Variants in ALDH1A2 observed in about 807,000 individuals in gnomAD.
The protein encoded by ALDH1A2 is retinal dehydrogenase 2.
A neutral mutation model predicts 60.3 loss-of-function variants in ALDH1A2; 27 were observed. The observed-to-expected ratio is 0.45, with a 90% CI of 0.33 to 0.62. The LOEUF (loss-of-function observed/expected upper bound fraction) is 0.62. Ranked by LOEUF, ALDH1A2 falls within the 20% of genes least tolerant of loss-of-function variation. The probability of loss-of-function intolerance (pLI) is 0.02; values close to 1 mark genes in which losing one functional copy is unlikely to be tolerated. For synonymous variants in ALDH1A2, 289 were observed against 232.4 expected (o/e 1.24, Z -2.21); for missense variants, 581 against 643.8 (o/e 0.90, Z 1.06).
intron 1 of ALDH1A2, among the ~76,000 whole-genome samples, chr15:58,050,483 C>T (rs963144304): frequency 6.6e-6 from 1 of 152,130 alleles, no homozygotes; most frequent in Non-Finnish European, 1.5e-5. Flanking sequence ...TCATTATTTA[C>T]TTAATCTTCA....
chr15:58,011,028 C>T (rs1291940387), intron 3 of ALDH1A2, among the ~76,000 whole-genome samples: 2 of 152,096 alleles, frequency 1.3e-5, no homozygotes, highest in African/African-American at 2.4e-5. Flanking sequence ...AATACGTTAA[C>T]ACAATATTTC....
chr15:57,961,905 A>G (rs887922572), intron 10 of ALDH1A2, 107 bp downstream of exon 10: 12 of 1,440,326 alleles, frequency 8.3e-6, no homozygotes, highest in Non-Finnish European at 1.2e-5. Context: ...TGCAAAATGA[A>G]TATATGTAAA....
intron 7 of ALDH1A2, among the ~76,000 whole-genome samples, chr15:57,969,040 C>T (rs924077859): frequency 6.6e-6 from 1 of 152,232 alleles, no homozygotes; most frequent in Non-Finnish European, 1.5e-5. Context: ...TACCTTTCCC[C>T]TTCATCTTTG....
chr15:57,966,570 T>C (rs548211759), intron 7 of ALDH1A2, among the ~76,000 whole-genome samples: 1 of 152,348 alleles, frequency 6.6e-6, no homozygotes, highest in South Asian at 2.1e-4. Context: ...AGCCTGCAGC[T>C]GTCACCTCCT....
At position 58,022,018 on chromosome 15, in the gene ALDH1A2, C is replaced by T. The variant is rs192452636; in HGVS notation, c.118-7737G>A. ...ACAATTCCCCACCTGCCGGTCCAGG[C>T]TGTGGCCACTGATGATGGCCAAATC... On this transcript the variant is annotated intron_variant, in intron 1 of 12. Coordinates refer to ENST00000249750, the MANE Select transcript of ALDH1A2 (RefSeq NM_003888.4). Among the ~76,000 whole-genome samples, 11 of 152,314 alleles carry T rather than the reference C, an allele frequency of 7.2e-5. No individual in the cohort carries two copies. In the East Asian group the frequency reaches 2.1e-3, roughly 29 times the overall value.
At chr15:57,973,206 A>G (rs1894129410) in intron 7 of ALDH1A2, among the ~76,000 whole-genome samples, 1 of 152,198 alleles carries the variant, frequency 6.6e-6, no homozygotes, top group Non-Finnish European at 1.5e-5. Context: ...CCTGTACTTT[A>G]TTGAAGTTGT....
intron 1 of ALDH1A2, among the ~76,000 whole-genome samples, chr15:58,050,202 A>AAAAAGTCTT (rs1896739700): frequency 6.6e-6 from 1 of 152,074 alleles, no homozygotes; most frequent in Non-Finnish European, 1.5e-5. Flanking sequence ...GGGTTAAAAA[A>AAAAAGTCTT]AAAAAGTCTT....
chr15:58,027,292 C>A (rs1186107179), intron 1 of ALDH1A2, among the ~76,000 whole-genome samples: 1 of 152,164 alleles, frequency 6.6e-6, no homozygotes, highest in Non-Finnish European at 1.5e-5. Context: ...AGACCTGCAG[C>A]TGAGGGGCCT....
At chr15:57,957,629 C>T (rs530756730) in intron 12 of ALDH1A2, among the ~76,000 whole-genome samples, 22 of 152,178 alleles carry the variant, frequency 1.4e-4, no homozygotes, top group Admixed American at 6.5e-4. Context: ...CACATCAGGA[C>T]GAAACAGCAA....
At chr15:57,971,655 C>T (rs1298675420) in intron 7 of ALDH1A2, among the ~76,000 whole-genome samples, 1 of 152,152 alleles carries the variant, frequency 6.6e-6, no homozygotes, top group East Asian at 1.9e-4. Flanking sequence ...AACTCTTGGC[C>T]TCAAGGGGTC....
intron 1 of ALDH1A2, among the ~76,000 whole-genome samples, chr15:58,034,652 TGA>T (rs572141759): frequency 4.0e-5 from 6 of 151,710 alleles, no homozygotes; most frequent in South Asian, 2.1e-4. Flanking sequence ...TCATAATTTT[TGA>T]GAGTCTTCCT....
chr15:57,958,185 C>T (rs546471988), intron 12 of ALDH1A2, among the ~76,000 whole-genome samples: 1 of 149,746 alleles, frequency 6.7e-6, no homozygotes, highest in Non-Finnish European at 1.5e-5. Flanking sequence ...CTGGAGGTGA[C>T]TTCTCTGTAT....
At chr15:58,057,167 T>G (rs1345405277) in intron 1 of ALDH1A2, among the ~76,000 whole-genome samples, 1 of 152,074 alleles carries the variant, frequency 6.6e-6, no homozygotes, top group Admixed American at 6.6e-5. Flanking sequence ...GGATGCATCA[T>G]AAATGTCAAG....
chr15:58,052,037 C>T (rs1566961474), intron 1 of ALDH1A2, among the ~76,000 whole-genome samples: 1 of 152,130 alleles, frequency 6.6e-6, no homozygotes, highest in African/African-American at 2.4e-5. Context: ...TTGGGAGTCA[C>T]TGCTCTAATT....
chr15:57,984,752 C>A (rs8026952), intron 7 of ALDH1A2, among the ~76,000 whole-genome samples: 72,355 of 151,938 alleles, frequency 0.48, 17,565 homozygotes, highest in Non-Finnish European at 0.52. Flanking sequence ...TTTGTTAATC[C>A]GCTTATCATT....
intron 1 of ALDH1A2, among the ~76,000 whole-genome samples, chr15:58,015,703 A>G (rs1234157456): frequency 2.6e-5 from 4 of 152,164 alleles, no homozygotes; most frequent in African/African-American, 4.8e-5. Flanking sequence ...TCTATTACAC[A>G]TGAGAAAATT....
intron 2 of ALDH1A2, 84 bp from the exon 3 acceptor site, chr15:58,014,082 T>C (rs1895718601): frequency 5.0e-6 from 8 of 1,613,034 alleles, no homozygotes; most frequent in Non-Finnish European, 6.8e-6. Context: ...AAGTGAAGCA[T>C]GAGCATGTAG....
In ALDH1A2 at chr15:58,000,958, T is replaced by C. The variant is rs144986331; in HGVS notation, c.494-5819A>G. 9.9e-3 allele frequency among the ~76,000 whole-genome samples: 1,460 copies of C among 148,100 alleles called. 28 individuals carry two copies. The highest frequency in any genetic ancestry group is 0.032 in the African/African-American group (1,299 of 40,390). On this transcript the variant is annotated intron_variant, in intron 4 of 12. Transcript: ENST00000249750. ...TTTTATTTATTTTTTGTCTCTCTAATAACTCTACTAATTTTCCTGAAAGGA... is the reference window on the plus strand; with the variant it reads ...TTTTATTTATTTTTTGTCTCTCTAACAACTCTACTAATTTTCCTGAAAGGA...
intron 1 of ALDH1A2, among the ~76,000 whole-genome samples, chr15:58,059,139 T>TC: frequency 6.6e-6 from 1 of 152,190 alleles, no homozygotes; most frequent in Admixed American, 6.5e-5. Context: ...GATAAGTAAT[T>TC]CCCAATGTGC....
Sources: gnomAD v4.1 joint callset for allele counts (sites outside exome capture counted in the v4.1 genomes callset) on GRCh38, gnomAD v4.1.1 for gene constraint, MANE v1.5 for transcripts, NCBI Gene and HGNC (gene_info 2026-07-23, HGNC 2026-07-21) for gene names.